Variants in ZDHHC5 observed in about 807,000 individuals in gnomAD.
ZDHHC5 encodes the protein palmitoyltransferase ZDHHC5.
In ZDHHC5, 22 loss-of-function variants were observed where a neutral mutation model predicts 70.0. The ratio of observed to expected loss-of-function variants is 0.31; its 90% confidence interval spans 0.22 to 0.45. The LOEUF is 0.45. ZDHHC5 is among the 20% of genes least tolerant of loss of function. The pLI is 1.00. For missense variants in ZDHHC5, 746 were observed against 926.9 expected (o/e 0.80, Z 2.53); for synonymous variants, 313 against 347.8 (o/e 0.90, Z 1.11).
chr11:57,698,150 A>ACACACACACACACACACAC (rs1565199239), intron 10 of ZDHHC5, among the ~76,000 whole-genome samples: 2 of 116,328 alleles, frequency 1.7e-5, no homozygotes, highest in African/African-American at 8.3e-5. Context: ...CACACACACA[A>ACACACACACACACACACAC]ACAAATGCCA....
chr11:57,691,872 T>C (rs1946289441), intron 6 of ZDHHC5, among the ~76,000 whole-genome samples: 1 of 152,002 alleles, frequency 6.6e-6, no homozygotes, highest in Non-Finnish European at 1.5e-5. Flanking sequence ...CTGGAGAATT[T>C]AGGCTCTGAG....
chr11:57,699,181 G>C lies in ZDHHC5; in HGVS notation c.1745G>C (p.Arg582Pro). Residue 582 changes from arginine (R) to proline (P), a missense_variant, in exon 11 of 12, where the codon CGT becomes CCT. Arg to Pro is a moderately radical substitution (Grantham distance 103). Coordinates refer to ENST00000287169, the MANE Select transcript of ZDHHC5 (RefSeq NM_015457.3). ...QSTPGSGHAP[R>P]TSSSSDDSKR... ...ACACCAGGCTCGGGCCATGCCCCTC[G>C]TACTAGTTCCTCCTCAGATGATTCA... 1 of 1,614,220 alleles carries C rather than the reference G, an allele frequency of 6.2e-7. No homozygotes were observed. The highest frequency in any genetic ancestry group is 8.5e-7 in the Non-Finnish European group (1 of 1,180,046).
Position 57,699,006 on chromosome 11 carries a change from A to C in ZDHHC5, c.1570A>C (p.Thr524Pro). 6.2e-7 allele frequency: 1 copy of C among 1,609,242 alleles called. No homozygotes were observed. Among genetic ancestry groups the C allele is most frequent in the Non-Finnish European group, 8.5e-7 (1 of 1,179,980 alleles). Residue 524 changes from threonine (T) to proline (P), a missense_variant, in exon 11 of 12, where the codon ACA becomes CCA. Transcript: ENST00000287169. ...CCCACGTTTGGTGCCAACTGGCCCA[A>C]CACACCGAGAGCCCTCACCAGTCCG... ...RHPRLVPTGP[T>P]HREPSPVRYD...
At chr11:57,691,739 C>T (rs1946287403) in intron 6 of ZDHHC5, among the ~76,000 whole-genome samples, 1 of 150,866 alleles carries the variant, frequency 6.6e-6, no homozygotes, top group African/African-American at 2.4e-5. Flanking sequence ...TAAAGTGTAG[C>T]AAGACATATG....
chr11:57,688,854 G>A (rs1287362709), intron 4 of ZDHHC5, among the ~76,000 whole-genome samples, 189 bp downstream of exon 4: 1 of 152,202 alleles, frequency 6.6e-6, no homozygotes, highest in East Asian at 1.9e-4. Context: ...TATTGCAGGA[G>A]GGAAGCTTTA....
At chr11:57,680,352 G>C (rs1174296518) in intron 2 of ZDHHC5, among the ~76,000 whole-genome samples, 3 of 152,170 alleles carry the variant, frequency 2.0e-5, no homozygotes, top group Admixed American at 6.6e-5. Context: ...ACTCCAGCCT[G>C]GGCAAGAGAG....
chr11:57,700,294 T>G lies in ZDHHC5; in HGVS notation c.*263T>G, dbSNP rs1243741271. ...CCCTGGACCAGACTCAGTGGACATT[T>G]GTGCAATTGCTCGCCCTGGAGGGAA... On this transcript the variant is annotated 3_prime_UTR_variant, in exon 12 of 12. Transcript: ENST00000287169. The G allele has an allele frequency of 2.9e-6, 1 of 344,178 alleles. No homozygotes were observed. The highest frequency in any genetic ancestry group is 5.2e-6 in the Non-Finnish European group (1 of 190,940). 21.3% of individuals were successfully genotyped at this position (344,178 alleles called of 1,614,324 possible).
At chr11:57,695,783 G>C in intron 8 of ZDHHC5, 137 bp from the exon 9 acceptor site, 1 of 1,189,048 alleles carries the variant, frequency 8.4e-7, no homozygotes, top group South Asian at 1.6e-5. Flanking sequence ...TCAACAGAGT[G>C]AGACCTTGTC....
intron 1 of ZDHHC5, among the ~76,000 whole-genome samples, chr11:57,669,864 A>G (rs1243668236): frequency 5.3e-5 from 8 of 152,226 alleles, no homozygotes; most frequent in Admixed American, 4.6e-4. Context: ...TCTGCAGCAC[A>G]TTCTTTTGCT....
Position 57,699,381 on chromosome 11 carries a change from A to G in ZDHHC5, c.1945A>G (p.Thr649Ala), listed in dbSNP as rs758977759. 1.1e-5 allele frequency: 17 copies of G among 1,596,508 alleles called. No individual in the cohort carries two copies. Among genetic ancestry groups the G allele is most frequent in the Admixed American group, 1.7e-5 (1 of 57,554 alleles). The change falls in exon 11 of 12, where the codon ACA becomes GCA. Residue 649 changes from threonine to alanine, a missense_variant. This residue lies in a region of ZDHHC5 where 340 missense variants were observed against 350.1 expected (regional missense o/e 0.97). Transcript: ENST00000287169. ...AAAAGCCCAACCTGGTGTCTCTGAGACAGAAGAAGTGGCCTTGCAGCCATT... is the reference window on the plus strand; with the variant it reads ...AAAAGCCCAACCTGGTGTCTCTGAGGCAGAAGAAGTGGCCTTGCAGCCATT... Reference protein sequence around the residue: ...SQKAQPGVSETEEVALQPLLT... With the variant: ...SQKAQPGVSEAEEVALQPLLT...
chr11:57,687,317 T>C (rs1946219673), intron 3 of ZDHHC5, among the ~76,000 whole-genome samples: 1 of 151,970 alleles, frequency 6.6e-6, no homozygotes, highest in Non-Finnish European at 1.5e-5. Flanking sequence ...ATGCTTGTAA[T>C]CTTAATACTT....
At chr11:57,693,513 G>T (rs17152048) in intron 7 of ZDHHC5, among the ~76,000 whole-genome samples, 2 of 152,036 alleles carry the variant, frequency 1.3e-5, no homozygotes, top group Non-Finnish European at 2.9e-5. Context: ...TATTCTTCAG[G>T]TATTAAGGTA....
chr11:57,692,467 C>T (rs1261243833), intron 6 of ZDHHC5, 144 bp from the exon 7 acceptor site: 3 of 677,272 alleles, frequency 4.4e-6, no homozygotes, highest in Non-Finnish European at 7.5e-6. Flanking sequence ...TGCTCTTAAC[C>T]ATAACATATA....
rs10633679 is a variant in ZDHHC5 at position 57,700,414 on chromosome 11, A to AATATATAT, written c.*394_*401dup. 1.4e-5 allele frequency: 2 copies of AATATATAT among 146,208 alleles called. No homozygotes were observed. The highest frequency in any genetic ancestry group is 2.1e-4 in the South Asian group (1 of 4,682). The allele number at this position is 146,208 out of a possible 1,614,324, so 9.1% of individuals were successfully genotyped here. ...CGTTACCAGGTGTGTGTGTACATAT[A>AATATATAT]ATATATATATATATATATTATAAAT... On this transcript the variant is annotated 3_prime_UTR_variant, in exon 12 of 12. Coordinates refer to ENST00000287169, the MANE Select transcript of ZDHHC5 (RefSeq NM_015457.3).
Position 57,682,524 on chromosome 11 carries a change from C to G in ZDHHC5, c.207C>G (p.Asp69Glu). Residue 69 changes from aspartate (D) to glutamate (E), a missense_variant, in exon 3 of 12, where the codon GAC (aspartate) becomes GAG (glutamate). Around this residue, in one of 6 missense-constraint regions of ZDHHC5, gnomAD observed 89 missense variants for 130.7 expected, o/e 0.68. Coordinates refer to ENST00000287169, the MANE Select transcript of ZDHHC5 (RefSeq NM_015457.3). The stretch of plus-strand genomic sequence containing the variant: ...ACTTCAGCATGGCCACCTTCATGGA[C>G]CCAGGGATTTTCCCTCGAGGTAAGA... ...LANFSMATFM[D>E]PGIFPRAEED... is the part of the protein sequence containing the mutation. 6.2e-7 allele frequency: 1 copy of G among 1,614,020 alleles called. No homozygotes were observed. The highest frequency in any genetic ancestry group is 8.5e-7 in the Non-Finnish European group (1 of 1,179,990).
intron 11 of ZDHHC5, 47 bp downstream of exon 11, chr11:57,699,465 T>C: frequency 6.6e-7 from 1 of 1,515,724 alleles, no homozygotes; most frequent in Non-Finnish European, 8.8e-7. Flanking sequence ...CAAATTAGCA[T>C]ACTGCTCTGC....
chr11:57,700,187 G>A lies in ZDHHC5; in HGVS notation c.*156G>A. The A allele has an allele frequency of 9.8e-7, 1 of 1,020,760 alleles. No individual in the cohort carries two copies. Among genetic ancestry groups the A allele is most frequent in the Non-Finnish European group, 1.4e-6 (1 of 739,152 alleles). 63.2% of individuals were successfully genotyped at this position (1,020,760 alleles called of 1,614,324 possible). On this transcript the variant is annotated 3_prime_UTR_variant, in exon 12 of 12. Coordinates refer to ENST00000287169, the MANE Select transcript of ZDHHC5 (RefSeq NM_015457.3). ...AGGAGTGTTTTCTAAAATGCAGTAG[G>A]CTTGGGGAGTCGGAGAGTTGGGGCC...
At position 57,673,041 on chromosome 11, in the gene ZDHHC5, G is replaced by C; in HGVS notation, c.-50G>C. 1 of 1,570,594 alleles carries C rather than the reference G, an allele frequency of 6.4e-7. No homozygotes were observed. The highest frequency in any genetic ancestry group is 8.8e-7 in the Non-Finnish European group (1 of 1,141,016). The stretch of plus-strand genomic sequence containing the variant: ...CCATTTTCTTGTCTGTTCTGCCGCT[G>C]TGTGGGCCTGGGCTATGCGGCAGGG... On this transcript the variant is annotated 5_prime_UTR_variant, in exon 2 of 12. Transcript: ENST00000287169.
rs138138603 is a variant in ZDHHC5 at position 57,699,285 on chromosome 11, C to T, written c.1849C>T (p.Arg617Trp). ...RFGKPDGLRG[R>W]GVGSPEPGPT... ...TGGCAAGCCAGATGGGCTAAGGGGC[C>T]GGGGAGTAGGGTCCCCTGAACCAGG... The change falls in exon 11 of 12, where the codon CGG (arginine) becomes TGG (tryptophan). Residue 617 changes from arginine to tryptophan, a missense_variant. Arg to Trp is a moderately radical substitution (Grantham distance 101). This residue lies in a region of ZDHHC5 where 340 missense variants were observed against 350.1 expected (regional missense o/e 0.97). Transcript: ENST00000287169. 2.4e-5 allele frequency: 38 copies of T among 1,614,218 alleles called. 1 individual carries two copies. The highest frequency in any genetic ancestry group is 1.3e-4 in the Admixed American group (8 of 60,032).
Sources: gnomAD v4.1 joint callset for allele counts (sites outside exome capture counted in the v4.1 genomes callset) on GRCh38, gnomAD v4.1.1 for gene constraint, gnomAD v4.1.1 regional missense constraint, MANE v1.5 for transcripts, NCBI Gene and HGNC (gene_info 2026-07-23, HGNC 2026-07-21) for gene names.